Variants in SH3RF3 observed in about 807,000 individuals in gnomAD.
SH3RF3 encodes SH3 domain containing ring finger 3, also known as E3 ubiquitin-protein ligase SH3RF3.
Under a neutral mutation model 66.3 loss-of-function variants are expected in SH3RF3, and 29 were observed. That is an observed-to-expected ratio of 0.44 (90% CI 0.33 to 0.60). The LOEUF (loss-of-function observed/expected upper bound fraction) is 0.60, where lower values mean the gene tolerates loss of function less well. SH3RF3 is among the 20% of genes least tolerant of loss of function. The pLI, the probability that SH3RF3 is intolerant of heterozygous loss-of-function variation, is 0.04. For missense variants in SH3RF3, 1,194 were observed against 1,190.9 expected, an observed-to-expected ratio of 1.00 and a Z score of -0.04; for synonymous variants, 583 against 532.0, an observed-to-expected ratio of 1.10 and a Z score of -1.32.
At chr2:109,477,607 C>T (rs1678717349) in intron 8 of SH3RF3, among the ~76,000 whole-genome samples, 1 of 125,818 alleles carries the variant, frequency 7.9e-6, no homozygotes, top group Non-Finnish European at 1.7e-5. Flanking sequence ...CAAAATGCCA[C>T]AGATGGGTGT....
rs1682597094 is a variant in SH3RF3 at position 109,343,205 on chromosome 2, G to T, written c.574-4469G>T. ...CCATAATAGCATCTGCCTGCCTTAGGCCCCTTCCATGGACTAATTAGTTAA... is the reference window on the plus strand; with the variant it reads ...CCATAATAGCATCTGCCTGCCTTAGTCCCCTTCCATGGACTAATTAGTTAA... On this transcript the variant is annotated intron_variant, in intron 1 of 9. Coordinates refer to ENST00000309415, the MANE Select transcript of SH3RF3 (RefSeq NM_001099289.3). 2.0e-5 allele frequency among the ~76,000 whole-genome samples: 3 copies of T among 152,086 alleles called. No individual in the cohort carries two copies. The South Asian group carries it at 6.2e-4, about 32-fold the overall frequency.
At chr2:109,148,264 C>G (rs61419309) in intron 1 of SH3RF3, among the ~76,000 whole-genome samples, 5 of 152,060 alleles carry the variant, frequency 3.3e-5, no homozygotes. Context: ...AGATGGGCCC[C>G]GATCATGCCA....
chr2:109,209,079 A>G (rs1678908066), intron 1 of SH3RF3, among the ~76,000 whole-genome samples: 1 of 152,194 alleles, frequency 6.6e-6, no homozygotes, highest in Non-Finnish European at 1.5e-5. Context: ...GGCAGCCAGT[A>G]CCTTAAACAA....
chr2:109,206,785 C>T (rs1296720394), intron 1 of SH3RF3, among the ~76,000 whole-genome samples: 1 of 152,214 alleles, frequency 6.6e-6, no homozygotes, highest in Non-Finnish European at 1.5e-5. Context: ...CACTGCACTC[C>T]AGCCTGGGTG....
chr2:109,402,817 T>G (rs1002408982), intron 4 of SH3RF3, among the ~76,000 whole-genome samples: 48 of 152,300 alleles, frequency 3.2e-4, no homozygotes, highest in East Asian at 1.9e-4. Context: ...CATTTACTTT[T>G]GGGGTGAGCA....
chr2:109,244,235 G>A (rs1359701821), intron 1 of SH3RF3, among the ~76,000 whole-genome samples: 1 of 152,158 alleles, frequency 6.6e-6, no homozygotes, highest in African/African-American at 2.4e-5. Context: ...CATGACGGGG[G>A]CATAAAACAT....
intron 8 of SH3RF3, among the ~76,000 whole-genome samples, chr2:109,467,826 C>A (rs1678396995): frequency 6.6e-6 from 1 of 152,202 alleles, no homozygotes; most frequent in African/African-American, 2.4e-5. Context: ...GCTGCACACG[C>A]AGAGGAACAG....
intron 5 of SH3RF3, among the ~76,000 whole-genome samples, chr2:109,419,906 G>C (rs955197512): frequency 1.3e-5 from 2 of 152,244 alleles, no homozygotes; most frequent in Non-Finnish European, 2.9e-5. Context: ...CCAGTCAACA[G>C]GAGAGGAGCC....
chr2:109,192,063 C>T lies in SH3RF3; in HGVS notation c.573+61950C>T, dbSNP rs142227094. The stretch of plus-strand genomic sequence containing the variant: ...GAAAAGCATTGAATTTGTCTACCTG[C>T]ACCTTCACTTTGCAAACCGAGCGAC... On this transcript the variant is annotated intron_variant, in intron 1 of 9. Transcript: ENST00000309415. Among the ~76,000 whole-genome samples the T allele has an allele frequency of 6.8e-4, 103 of 152,268 alleles. 1 individual carries two copies. The highest frequency in any genetic ancestry group is 2.5e-3 in the African/African-American group (102 of 41,546).
At chr2:109,170,241 TCTTTTCTCTTCTCTTCTC>T (rs1677732874) in intron 1 of SH3RF3, among the ~76,000 whole-genome samples, 2 of 10,214 alleles carry the variant, frequency 2.0e-4, no homozygotes, top group Admixed American at 2.1e-3. Flanking sequence ...TCTCTTCTTT[TCTTTTCTCTTCTCTTCTC>T]TTCTCTTCTC....
intron 4 of SH3RF3, among the ~76,000 whole-genome samples, chr2:109,411,891 C>A (rs796899061): frequency 7.9e-5 from 12 of 152,356 alleles, no homozygotes; most frequent in African/African-American, 2.9e-4. Flanking sequence ...TTTGCCATAT[C>A]AAGTGTCAGC....
intron 1 of SH3RF3, among the ~76,000 whole-genome samples, chr2:109,267,434 C>G (rs1017219093): frequency 2.6e-5 from 4 of 152,196 alleles, no homozygotes; most frequent in Admixed American, 2.6e-4. Context: ...AGAAGCAGCA[C>G]TGAGGAAGCC....
At chr2:109,377,114 T>A (rs1683406603) in intron 3 of SH3RF3, among the ~76,000 whole-genome samples, 1 of 152,358 alleles carries the variant, frequency 6.6e-6, no homozygotes, top group South Asian at 2.1e-4. Context: ...TAGAATTCAA[T>A]CAGAGCTGTA....
intron 8 of SH3RF3, among the ~76,000 whole-genome samples, chr2:109,480,274 C>CACTT (rs1256358498): frequency 6.6e-6 from 1 of 152,184 alleles, no homozygotes; most frequent in Non-Finnish European, 1.5e-5. Context: ...AGGTGCCCAG[C>CACTT]ACTTGAGCCC....
intron 1 of SH3RF3, among the ~76,000 whole-genome samples, chr2:109,192,543 C>A (rs901359659): frequency 6.6e-6 from 1 of 152,196 alleles, no homozygotes; most frequent in Middle Eastern, 3.4e-3. Context: ...ATTTCTATGC[C>A]TGTGCCAGCG....
chr2:109,390,197 G>A (rs1675947593), intron 3 of SH3RF3, among the ~76,000 whole-genome samples: 1 of 152,236 alleles, frequency 6.6e-6, no homozygotes. Context: ...AGTTCTTGGA[G>A]AAAGTGGAGA....
intron 8 of SH3RF3, among the ~76,000 whole-genome samples, chr2:109,487,903 A>C (rs906000221): frequency 6.7e-6 from 1 of 150,364 alleles, no homozygotes; most frequent in South Asian, 2.1e-4. Context: ...GCAGTGAACA[A>C]AACAAACACG....
At chr2:109,424,285 G>A (rs754043312) in intron 5 of SH3RF3, among the ~76,000 whole-genome samples, 18 of 152,220 alleles carry the variant, frequency 1.2e-4, no homozygotes, top group Admixed American at 6.5e-4. Flanking sequence ...CATGGGTGAT[G>A]CTGCACCCTG....
intron 9 of SH3RF3, among the ~76,000 whole-genome samples, chr2:109,491,640 C>G (rs921288680): frequency 6.6e-6 from 1 of 152,114 alleles, no homozygotes; most frequent in Non-Finnish European, 1.5e-5. Context: ...TGGCTTGGAT[C>G]CCCCTGTGTG....
Sources: allele counts gnomAD v4.1 joint callset (sites outside exome capture counted in the v4.1 genomes callset), GRCh38; gene constraint gnomAD v4.1.1; transcripts MANE v1.5; gene names NCBI Gene and HGNC (gene_info 2026-07-23, HGNC 2026-07-21).